Variants in GSTCD observed in about 807,000 individuals in gnomAD.
GSTCD encodes glutathione S-transferase C-terminal domain containing.
A neutral mutation model predicts 68.3 loss-of-function variants in GSTCD; 44 were observed. That is an observed-to-expected ratio of 0.64 (90% confidence interval 0.51 to 0.83). GSTCD has a LOEUF of 0.83. Among genes scored for constraint, GSTCD ranks in the 40% least tolerant of loss-of-function variants. The pLI, the probability that GSTCD is intolerant of heterozygous loss-of-function variation, is 0.00. For synonymous variants in GSTCD, 273 were observed against 255.2 expected, an observed-to-expected ratio of 1.07 and a Z score of -0.67; for missense variants, 739 against 735.9, an observed-to-expected ratio of 1.00 and a Z score of -0.05.
At position 105,717,824 on chromosome 4, in the gene GSTCD, G is replaced by A. The variant is rs138011523; in HGVS notation, c.211G>A (p.Val71Ile). The A allele has an allele frequency of 3.7e-6, 6 of 1,613,850 alleles. No individual in the cohort carries two copies. Among genetic ancestry groups the A allele is most frequent in the Non-Finnish European group, 5.1e-6 (6 of 1,179,736 alleles). Residue 71 changes from valine (V) to isoleucine (I), a missense_variant, in exon 2 of 12, where the codon GTT becomes ATT. By Grantham distance (29) the Val-to-Ile change is conservative (BLOSUM62 3). Coordinates refer to ENST00000515279, the MANE Select transcript of GSTCD (RefSeq NM_001370181.1). ...SLLRDDLIQD[V>I]EIQIISRQEL... The stretch of plus-strand genomic sequence containing the variant: ...ACTAAGAGATGACCTGATCCAGGAT[G>A]TTGAAATACAGATTATTTCAAGGCA...
intron 5 of GSTCD, among the ~76,000 whole-genome samples, chr4:105,796,663 C>T (rs1400662432): frequency 6.6e-6 from 1 of 152,114 alleles, no homozygotes; most frequent in Non-Finnish European, 1.5e-5. Context: ...CTCCAACCCC[C>T]TTACTTTTGG....
intron 5 of GSTCD, among the ~76,000 whole-genome samples, chr4:105,758,173 A>T (rs963656328): frequency 1.3e-5 from 2 of 152,252 alleles, no homozygotes; most frequent in African/African-American, 4.8e-5. Context: ...ATTTTGCTGA[A>T]CTAACTGCAG....
intron 5 of GSTCD, among the ~76,000 whole-genome samples, chr4:105,813,641 A>G (rs1722845339): frequency 6.6e-6 from 1 of 152,178 alleles, no homozygotes; most frequent in African/African-American, 2.4e-5. Flanking sequence ...ATTCATGATG[A>G]GTCTAAGTAT....
chr4:105,797,096 G>A (rs72673821), intron 5 of GSTCD, among the ~76,000 whole-genome samples: 8,722 of 151,634 alleles, frequency 0.058, 300 homozygotes, highest in Middle Eastern at 0.13. Context: ...GTGTGTGTGC[G>A]TCTGGGTTCA....
rs1183550217 is a variant in GSTCD at position 105,781,966 on chromosome 4, T to C, written c.1241-40988T>C. On this transcript the variant is annotated intron_variant, in intron 5 of 11. Transcript: ENST00000515279. ...TTTTGAAGCCCAGAGACTCTTTTCCTAGCAGGAATAGTTTTTCTGTGAGAT... is the reference window on the plus strand; with the variant it reads ...TTTTGAAGCCCAGAGACTCTTTTCCCAGCAGGAATAGTTTTTCTGTGAGAT... Among the ~76,000 whole-genome samples the C allele has an allele frequency of 2.6e-5, 4 of 152,282 alleles. No homozygotes were observed. The East Asian group carries it at 5.8e-4, about 22-fold the overall frequency.
chr4:105,738,712 A>T (rs763807486), intron 5 of GSTCD, among the ~76,000 whole-genome samples: 10 of 151,916 alleles, frequency 6.6e-5, no homozygotes, highest in Non-Finnish European at 1.2e-4. Context: ...GAAATTGTTT[A>T]TCAGTTCTAA....
rs374534979 is a variant in GSTCD, at chr4:105,809,427, C to A, written c.1241-13527C>A. On this transcript the variant is annotated intron_variant, in intron 5 of 11. Coordinates refer to ENST00000515279, the MANE Select transcript of GSTCD (RefSeq NM_001370181.1). ...AAACTCTTCCCCTAGATAATCCATA[C>A]ACCTTACTCTCTCACTTTATTCAGA... Among the ~76,000 whole-genome samples, 14 of 152,220 alleles carry A rather than the reference C, an allele frequency of 9.2e-5. No individual in the cohort carries two copies. The East Asian group carries it at 1.9e-3, about 21-fold the overall frequency.
chr4:105,752,861 G>GAAAT (rs1734053635), intron 5 of GSTCD, among the ~76,000 whole-genome samples: 1 of 151,982 alleles, frequency 6.6e-6, no homozygotes, highest in Non-Finnish European at 1.5e-5. Flanking sequence ...TGTGAATAAT[G>GAAAT]AAATACTGGT....
At chr4:105,724,662 T>A (rs940444853) in intron 3 of GSTCD, among the ~76,000 whole-genome samples, 3 of 151,860 alleles carry the variant, frequency 2.0e-5, no homozygotes, top group African/African-American at 7.2e-5. Context: ...TTATTAATAG[T>A]ACAAGCTCTC....
intron 5 of GSTCD, among the ~76,000 whole-genome samples, chr4:105,788,784 G>T (rs1347876126): frequency 6.6e-6 from 1 of 151,806 alleles, no homozygotes; most frequent in Non-Finnish European, 1.5e-5. Context: ...AAGATATTTT[G>T]TATATTATTG....
intron 5 of GSTCD, among the ~76,000 whole-genome samples, chr4:105,795,024 G>A (rs1433722101): frequency 6.6e-6 from 1 of 151,584 alleles, no homozygotes; most frequent in Non-Finnish European, 1.5e-5. Flanking sequence ...ACAGGCACCC[G>A]CCACCACACC....
intron 5 of GSTCD, among the ~76,000 whole-genome samples, chr4:105,777,871 T>C (rs1735129061): frequency 6.6e-6 from 1 of 152,098 alleles, no homozygotes; most frequent in South Asian, 2.1e-4. Flanking sequence ...TATTATATAA[T>C]TTTAATTATA....
chr4:105,752,560 TG>T (rs570484039), intron 5 of GSTCD, among the ~76,000 whole-genome samples: 263 of 152,216 alleles, frequency 1.7e-3, no homozygotes, highest in Non-Finnish European at 2.8e-3. Flanking sequence ...TTAGGTCATA[TG>T]TAGGGTATAA....
At chr4:105,815,679 A>G (rs556225350) in intron 5 of GSTCD, among the ~76,000 whole-genome samples, 1 of 152,302 alleles carries the variant, frequency 6.6e-6, no homozygotes, top group East Asian at 1.9e-4. Flanking sequence ...ATCAATTGGA[A>G]GCCAACTGAG....
chr4:105,826,534 CCTA>C (rs1392182381), intron 8 of GSTCD, among the ~76,000 whole-genome samples: 1 of 151,774 alleles, frequency 6.6e-6, no homozygotes, highest in African/African-American at 2.4e-5. Flanking sequence ...AACCTATATG[CCTA>C]CTATCAAGTG....
At chr4:105,753,590 A>C (rs904359923) in intron 5 of GSTCD, among the ~76,000 whole-genome samples, 1 of 152,066 alleles carries the variant, frequency 6.6e-6, no homozygotes, top group South Asian at 2.1e-4. Flanking sequence ...ATTACAAATA[A>C]TCTAGAGATG....
chr4:105,839,742 C>T (rs1174465090), intron 10 of GSTCD, among the ~76,000 whole-genome samples: 1 of 152,116 alleles, frequency 6.6e-6, no homozygotes, highest in African/African-American at 2.4e-5. Context: ...AAACTAGACC[C>T]CTGTTTCTAA....
intron 5 of GSTCD, among the ~76,000 whole-genome samples, chr4:105,745,652 A>C (rs1193140262): frequency 6.6e-6 from 1 of 152,226 alleles, no homozygotes; most frequent in Non-Finnish European, 1.5e-5. Context: ...AGCTGGCCTA[A>C]GCCACTTAAT....
chr4:105,770,239 T>C (rs1324137764), intron 5 of GSTCD, among the ~76,000 whole-genome samples: 1 of 152,224 alleles, frequency 6.6e-6, no homozygotes, highest in East Asian at 1.9e-4. Flanking sequence ...TTCTGTTTTA[T>C]TTCTTATGTT....
Sources: allele counts gnomAD v4.1 joint callset (sites outside exome capture counted in the v4.1 genomes callset), GRCh38; gene constraint gnomAD v4.1.1; transcripts MANE v1.5; gene names NCBI Gene and HGNC (gene_info 2026-07-23, HGNC 2026-07-21).